The following VWF variants were observed in gnomAD, a reference collection of about 807,000 sequenced individuals.
VWF encodes von Willebrand factor, also known as Factor VIII related antigen.
Under a neutral mutation model 308.6 loss-of-function variants are expected in VWF, and 176 were observed. The ratio of observed to expected loss-of-function variants is 0.57; its 90% CI spans 0.50 to 0.65. VWF has a LOEUF of 0.65. Ranked by LOEUF, VWF falls within the 30% of genes least tolerant of loss-of-function variation. The probability of loss-of-function intolerance (pLI) is 0.00; values close to 1 mark genes in which losing one functional copy is unlikely to be tolerated. For synonymous variants in VWF, 1,385 were observed against 1,443.4 expected, an observed-to-expected ratio of 0.96 and a Z score of 0.92; for missense variants, 3,146 against 3,648.2, an observed-to-expected ratio of 0.86 and a Z score of 3.55.
intron 6 of VWF, among the ~76,000 whole-genome samples, chr12:6,079,755 C>T (rs1269519903): frequency 1.3e-5 from 2 of 152,116 alleles, no homozygotes; most frequent in Non-Finnish European, 2.9e-5. Flanking sequence ...GCAGGGTGTC[C>T]AAGCCCATAT....
chr12:6,045,261 T>C (rs561910964), intron 17 of VWF, among the ~76,000 whole-genome samples: 1 of 152,378 alleles, frequency 6.6e-6, no homozygotes, highest in South Asian at 2.1e-4. Context: ...ATAGCATTTG[T>C]ATCACATACT....
chr12:6,078,381 T>C lies in VWF; in HGVS notation c.658-2830A>G, dbSNP rs886893996. On this transcript the variant is annotated intron_variant, in intron 6 of 51. Transcript: ENST00000261405. ...AGAACTTCCCATCCTCACTGCCAAG[T>C]TGGGGCTCAGGGAAGGAGACTGAGG... Among the ~76,000 whole-genome samples, 11 of 152,250 alleles carry C rather than the reference T, an allele frequency of 7.2e-5. No homozygotes were observed. The East Asian group carries it at 9.7e-4, about 13-fold the overall frequency.
intron 5 of VWF, among the ~76,000 whole-genome samples, chr12:6,098,925 T>C (rs1460079424): frequency 2.0e-5 from 3 of 151,954 alleles, no homozygotes; most frequent in Admixed American, 2.0e-4. Context: ...TGGATCTCCA[T>C]GATGTAGGAA....
chr12:6,026,016 C>A lies in VWF; in HGVS notation c.2998G>T (p.Asp1000Tyr). 1 of 1,613,978 alleles carries A rather than the reference C, an allele frequency of 6.2e-7. No individual in the cohort carries two copies. Among genetic ancestry groups the A allele is most frequent in the Non-Finnish European group, 8.5e-7 (1 of 1,179,878 alleles). The stretch of plus-strand genomic sequence containing the variant: ...GTGAGGTCATTGTTCTGGATGCCAT[C>A]AAAATTCCCACACAGGCCACACACT... ...EKVCGLCGNF[D>Y]GIQNNDLTSS... Residue 1000 changes from aspartate to tyrosine, a missense_variant, in exon 23 of 52, where the codon GAT becomes TAT. Around this residue, in one of 3 missense-constraint regions of VWF, gnomAD observed 1,304 missense variants for 1,353.0 expected, o/e 0.96. Coordinates refer to ENST00000261405, the MANE Select transcript of VWF (RefSeq NM_000552.5).
intron 6 of VWF, among the ~76,000 whole-genome samples, chr12:6,085,031 T>C (rs1234917278): frequency 2.0e-5 from 3 of 152,212 alleles, no homozygotes; most frequent in Admixed American, 6.5e-5. Context: ...CTCTCTAAGA[T>C]AGCTGGGGTC....
At chr12:6,040,457 G>C (rs1190779199) in intron 18 of VWF, among the ~76,000 whole-genome samples, 1 of 152,126 alleles carries the variant, frequency 6.6e-6, no homozygotes, top group African/African-American at 2.4e-5. Context: ...GTAATAGTTA[G>C]TGGTCATTAA....
intron 18 of VWF, among the ~76,000 whole-genome samples, chr12:6,037,909 C>A (rs969103259): frequency 6.6e-6 from 1 of 152,078 alleles, no homozygotes; most frequent in Admixed American, 6.6e-5. Flanking sequence ...TGTGTTGGGG[C>A]GGTTGGGGGG....
intron 6 of VWF, among the ~76,000 whole-genome samples, chr12:6,092,542 C>T (rs56077657): frequency 0.12 from 17,030 of 147,334 alleles, 1,536 homozygotes; most frequent in African/African-American, 0.24. Context: ...TGTGCACGCG[C>T]GTGTGCCACC....
intron 34 of VWF, among the ~76,000 whole-genome samples, chr12:5,997,036 G>A (rs1183303278): frequency 6.6e-6 from 1 of 152,136 alleles, no homozygotes; most frequent in Non-Finnish European, 1.5e-5. Flanking sequence ...CCCAAGAGCT[G>A]AGACACAGAT....
intron 15 of VWF, among the ~76,000 whole-genome samples, chr12:6,053,611 C>T (rs867054549): frequency 2.0e-5 from 3 of 152,152 alleles, no homozygotes; most frequent in African/African-American, 7.2e-5. Context: ...AAAGTGGCAA[C>T]GCAGCTAAGG....
At chr12:6,042,075 C>G (rs1944402316) in intron 18 of VWF, among the ~76,000 whole-genome samples, 1 of 152,202 alleles carries the variant, frequency 6.6e-6, no homozygotes, top group Non-Finnish European at 1.5e-5. Context: ...AATTCGGTGT[C>G]TACGTAACAC....
At chr12:6,115,477 G>GAC (rs149823006) in intron 3 of VWF, among the ~76,000 whole-genome samples, 23 of 151,880 alleles carry the variant, frequency 1.5e-4, no homozygotes, top group African/African-American at 3.9e-4. Context: ...TATGACTCAG[G>GAC]ACACACACAC....
rs113894908 is a variant in VWF at position 6,032,928 on chromosome 12, G to A, written c.2686-1350C>T. Among the ~76,000 whole-genome samples the A allele has an allele frequency of 6.3e-3, 922 of 147,398 alleles. 8 individuals are homozygous for A. Among genetic ancestry groups the A allele is most frequent in the African/African-American group, 0.02 (817 of 39,894 alleles). Reference sequence around the variant, plus strand: ...CACACACGTAGCCATACACACACACGCGCTCACGCATACACACACATACAC... The same window carrying A: ...CACACACGTAGCCATACACACACACACGCTCACGCATACACACACATACAC... On this transcript the variant is annotated intron_variant, in intron 20 of 51. Coordinates refer to ENST00000261405, the MANE Select transcript of VWF (RefSeq NM_000552.5).
chr12:6,034,763 G>A lies in VWF; in HGVS notation c.2610C>T (p.Ile870=), dbSNP rs141982646. ...CGAAGGTGAGGTAGTGGGCCATGCC[G>A]ATCGTGGAGCACGTGGCATCACACA... ...DHVCDATCST[I]GMAHYLTFDG... The change falls in exon 20 of 52, where the codon ATC becomes ATT. Residue 870 remains isoleucine, a synonymous_variant. Transcript: ENST00000261405. The A allele has an allele frequency of 2.2e-4, 353 of 1,614,200 alleles. 2 individuals carry two copies. In the African/African-American group the frequency reaches 3.1e-3, roughly 14 times the overall value.
At chr12:5,969,969 C>T (rs1183577160) in intron 44 of VWF, among the ~76,000 whole-genome samples, 2 of 152,180 alleles carry the variant, frequency 1.3e-5, no homozygotes, top group Non-Finnish European at 2.9e-5. Context: ...AATGTCACTC[C>T]GAGTGCCCTC....
At chr12:6,035,249 A>G (rs958653928) in intron 19 of VWF, among the ~76,000 whole-genome samples, 3 of 152,262 alleles carry the variant, frequency 2.0e-5, no homozygotes, top group Non-Finnish European at 4.4e-5. Flanking sequence ...AAAACAAGAC[A>G]GAACAGTGGG....
Position 6,095,449 on chromosome 12 carries a change from T to C in VWF, c.657+11A>G. Reference sequence around the variant, plus strand: ...CACCATCCAGGTGCACCCAGGCCAGTCCACACCCACCTTCTGCATTTCCCC... The same window carrying C: ...CACCATCCAGGTGCACCCAGGCCAGCCCACACCCACCTTCTGCATTTCCCC... On this transcript the variant is annotated intron_variant, in intron 6 of 51. Coordinates refer to ENST00000261405, the MANE Select transcript of VWF (RefSeq NM_000552.5). The C allele has an allele frequency of 6.2e-7, 1 of 1,613,860 alleles. No homozygotes were observed. Among genetic ancestry groups the C allele is most frequent in the South Asian group, 1.1e-5 (1 of 91,074 alleles).
At chr12:5,968,060 T>C in intron 46 of VWF, 67 bp downstream of exon 46, 1 of 1,603,760 alleles carries the variant, frequency 6.2e-7, no homozygotes. Flanking sequence ...ACTTGCCTGC[T>C]CCCCTTCCCA....
intron 27 of VWF, 188 bp downstream of exon 27, chr12:6,021,712 A>C (rs1394794163): frequency 4.1e-6 from 3 of 729,004 alleles, no homozygotes; most frequent in East Asian, 2.9e-5. Flanking sequence ...AAGAAAAAGA[A>C]GCAAACCCTA....
Sources: allele counts gnomAD v4.1 joint callset (sites outside exome capture counted in the v4.1 genomes callset), GRCh38; gene constraint gnomAD v4.1.1; regional missense constraint gnomAD v4.1.1; transcripts MANE v1.5; gene names NCBI Gene and HGNC (gene_info 2026-07-23, HGNC 2026-07-21).